The following ARHGAP8 variants were observed in gnomAD, a reference collection of about 807,000 sequenced individuals.
The protein encoded by ARHGAP8 is rho GTPase-activating protein 8.
ARHGAP8 carries 62 observed loss-of-function variants against 46.1 expected under a neutral mutation model. That is an observed-to-expected ratio of 1.34 (90% CI 1.10 to 1.66). The LOEUF (loss-of-function observed/expected upper bound fraction) is 1.66, where lower values mean the gene tolerates loss of function less well. Among genes scored for constraint, ARHGAP8 ranks in the 40% most tolerant of loss-of-function variants. The probability of loss-of-function intolerance (pLI) is 0.00; values close to 1 mark genes in which losing one functional copy is unlikely to be tolerated. For missense variants in ARHGAP8, 923 were observed against 568.4 expected (o/e 1.62, Z -6.34); for synonymous variants, 375 against 243.1 (o/e 1.54, Z -5.05).
At chr22:44,825,630 G>T in intron 7 of ARHGAP8, 37 bp downstream of exon 7, 1 of 1,578,004 alleles carries the variant, frequency 6.3e-7, no homozygotes, top group Admixed American at 1.9e-5. Context: ...CCTATGCCCT[G>T]GAGCCCTGGG....
intron 10 of ARHGAP8, among the ~76,000 whole-genome samples, chr22:44,852,395 A>C (rs1222912431): frequency 6.6e-6 from 1 of 152,094 alleles, no homozygotes; most frequent in Non-Finnish European, 1.5e-5. Flanking sequence ...AGAAGGTTTT[A>C]TGATCTGCTA....
At chr22:44,758,417 G>A (rs1002993813) in intron 1 of ARHGAP8, among the ~76,000 whole-genome samples, 1 of 152,136 alleles carries the variant, frequency 6.6e-6, no homozygotes, top group Non-Finnish European at 1.5e-5. Flanking sequence ...GTGAGATTCT[G>A]TCTCAAAGAA....
At chr22:44,820,104 C>T (rs1930022946) in intron 5 of ARHGAP8, among the ~76,000 whole-genome samples, 1 of 152,204 alleles carries the variant, frequency 6.6e-6, no homozygotes, top group South Asian at 2.1e-4. Context: ...GACCTCCTGA[C>T]TCAGATCCCC....
intron 8 of ARHGAP8, among the ~76,000 whole-genome samples, chr22:44,846,559 G>A (rs537441837): frequency 1.2e-4 from 18 of 152,136 alleles, no homozygotes; most frequent in Non-Finnish European, 2.5e-4. Flanking sequence ...GGTACGGGGG[G>A]CACCCCACAC....
chr22:44,857,587 G>A (rs1164697076), intron 10 of ARHGAP8, among the ~76,000 whole-genome samples: 1 of 152,186 alleles, frequency 6.6e-6, no homozygotes, highest in Non-Finnish European at 1.5e-5. Flanking sequence ...GAAGTGCGAC[G>A]GACAGGGGAG....
intron 6 of ARHGAP8, among the ~76,000 whole-genome samples, chr22:44,822,742 G>A (rs999204874): frequency 6.6e-6 from 1 of 152,198 alleles, no homozygotes; most frequent in African/African-American, 2.4e-5. Context: ...ACATGGCAAC[G>A]GCCGTTTGTT....
chr22:44,862,061 C>G (rs1439429172), intron 11 of ARHGAP8, among the ~76,000 whole-genome samples: 1 of 152,178 alleles, frequency 6.6e-6, no homozygotes, highest in East Asian at 1.9e-4. Flanking sequence ...AGAGGGTCCT[C>G]CAGGACATGG....
intron 7 of ARHGAP8, among the ~76,000 whole-genome samples, chr22:44,827,336 G>GTTT (rs796490147): frequency 0.1 from 6,968 of 67,094 alleles, 2,343 homozygotes; most frequent in East Asian, 0.61. Context: ...TTGGGTGGTG[G>GTTT]TTTTTTTTTT....
rs986645717 is a variant in ARHGAP8, at chr22:44,839,511, C to G, written c.597-5758C>G. Reference sequence around the variant, plus strand: ...CATGTGCACCTGATAAATCATCTGACATAGAGACGTTCCCAGGGGGCCGTG... The same window carrying G: ...CATGTGCACCTGATAAATCATCTGAGATAGAGACGTTCCCAGGGGGCCGTG... On this transcript the variant is annotated intron_variant, in intron 7 of 11. Coordinates refer to ENST00000356099, the MANE Select transcript of ARHGAP8 (RefSeq NM_181335.3). 4.6e-5 allele frequency among the ~76,000 whole-genome samples: 7 copies of G among 152,218 alleles called. No individual in the cohort carries two copies. The East Asian group carries it at 1.3e-3, about 29-fold the overall frequency.
intron 7 of ARHGAP8, among the ~76,000 whole-genome samples, chr22:44,841,817 C>T (rs1179724334): frequency 6.6e-6 from 1 of 152,222 alleles, no homozygotes; most frequent in Non-Finnish European, 1.5e-5. Context: ...TGTCTGCTCA[C>T]GTCCCACAGC....
intron 5 of ARHGAP8, among the ~76,000 whole-genome samples, chr22:44,821,360 C>G (rs996797210): frequency 1.3e-5 from 2 of 149,520 alleles, no homozygotes; most frequent in Non-Finnish European, 3.0e-5. Flanking sequence ...ACCCAGGAGG[C>G]GGAGCTTGCA....
intron 10 of ARHGAP8, among the ~76,000 whole-genome samples, chr22:44,852,839 C>G (rs2070130468): frequency 6.6e-6 from 1 of 152,146 alleles, no homozygotes; most frequent in African/African-American, 2.4e-5. Flanking sequence ...AAGTCTCACT[C>G]TCACTCAGGC....
At chr22:44,821,227 C>A (rs1042257148) in intron 5 of ARHGAP8, among the ~76,000 whole-genome samples, 1 of 152,012 alleles carries the variant, frequency 6.6e-6, no homozygotes, top group Non-Finnish European at 1.5e-5. Context: ...GTCAGGAGAT[C>A]GAGACCATCC....
intron 7 of ARHGAP8, among the ~76,000 whole-genome samples, chr22:44,834,501 TGGAG>T (rs1931155683): frequency 6.6e-6 from 1 of 152,204 alleles, no homozygotes; most frequent in Admixed American, 6.5e-5. Context: ...TTCAGATGTA[TGGAG>T]GCTTGTTATG....
intron 2 of ARHGAP8, among the ~76,000 whole-genome samples, chr22:44,794,936 G>C (rs965163802): frequency 1.1e-4 from 16 of 151,246 alleles, no homozygotes; most frequent in Admixed American, 9.9e-4. Context: ...AGCTACTTGG[G>C]AGGCTGAGAA....
intron 2 of ARHGAP8, among the ~76,000 whole-genome samples, chr22:44,787,089 AGT>A (rs1569144758): frequency 1.3e-5 from 2 of 150,586 alleles, no homozygotes; most frequent in African/African-American, 4.9e-5. Flanking sequence ...AGGGCCTGCT[AGT>A]GTGTTTGGAG....
Position 44,814,773 on chromosome 22 carries a change from G to A in ARHGAP8, c.386+15G>A. The A allele has an allele frequency of 6.2e-7, 1 of 1,613,484 alleles. No individual in the cohort carries two copies. The highest frequency in any genetic ancestry group is 1.7e-5 in the Admixed American group (1 of 59,880). On this transcript the variant is annotated intron_variant, in intron 5 of 11. Transcript: ENST00000356099. ...CCCCTCATCAGGTATGCGTCACTCT[G>A]GGAGAGGACCTCGCTGGGGTTGGAG...
chr22:44,856,517 A>G (rs2053464475), intron 10 of ARHGAP8, among the ~76,000 whole-genome samples: 1 of 151,950 alleles, frequency 6.6e-6, no homozygotes, highest in South Asian at 2.1e-4. Context: ...CAGGTGATCC[A>G]TCCGTCTCGG....
chr22:44,850,767 C>G (rs773061004), intron 10 of ARHGAP8: 1 of 151,980 alleles, frequency 6.6e-6, no homozygotes, highest in Non-Finnish European at 1.5e-5. Context: ...GAGTTCAAGA[C>G]CAGCCTGGTC....
Sources: gnomAD v4.1 joint callset for allele counts (sites outside exome capture counted in the v4.1 genomes callset) on GRCh38, gnomAD v4.1.1 for gene constraint, MANE v1.5 for transcripts, NCBI Gene and HGNC (gene_info 2026-07-23, HGNC 2026-07-21) for gene names.